Variants in ARHGAP33 observed in about 807,000 individuals in gnomAD.
ARHGAP33 encodes the protein rho GTPase-activating protein 33.
A neutral mutation model predicts 126.2 loss-of-function variants in ARHGAP33; 57 were observed. The observed-to-expected ratio is 0.45, with a 90% CI of 0.36 to 0.56. The LOEUF (loss-of-function observed/expected upper bound fraction) is 0.56, where lower values mean the gene tolerates loss of function less well. Among genes scored for constraint, ARHGAP33 ranks in the 20% least tolerant of loss-of-function variants. The pLI, the probability that ARHGAP33 is intolerant of heterozygous loss-of-function variation, is 0.00. For synonymous variants in ARHGAP33, 711 were observed against 755.0 expected (o/e 0.94, Z 0.95); for missense variants, 1,500 against 1,748.3 (o/e 0.86, Z 2.53).
At position 35,787,383 on chromosome 19, in the gene ARHGAP33, G is replaced by C. The variant is rs578173245; in HGVS notation, c.2818G>C (p.Gly940Arg). 1 of 1,609,422 alleles carries C rather than the reference G, an allele frequency of 6.2e-7. No homozygotes were observed. Among genetic ancestry groups the C allele is most frequent in the Admixed American group, 1.7e-5 (1 of 59,364 alleles). ...PFHRSLSLEV[G>R]GEPLGTSGSG... ...CCACCGCTCGCTGTCTCTGGAGGTGGGCGGGGAGCCCCTGGGGACCTCAGG... is the reference window on the plus strand; with the variant it reads ...CCACCGCTCGCTGTCTCTGGAGGTGCGCGGGGAGCCCCTGGGGACCTCAGG... The change falls in exon 21 of 21, where the codon GGC (glycine) becomes CGC (arginine). Residue 940 changes from glycine (G) to arginine (R), a missense_variant. Gly to Arg is a moderately radical substitution (Grantham distance 125). Around this residue, in one of 6 missense-constraint regions of ARHGAP33, gnomAD observed 642 missense variants for 634.0 expected, o/e 1.01. Transcript: ENST00000007510.
intron 5 of ARHGAP33, 99 bp downstream of exon 5, chr19:35,778,700 G>C (rs76260948): frequency 0.023 from 32,706 of 1,453,092 alleles, 463 homozygotes; most frequent in South Asian, 0.029. Flanking sequence ...TTAAATACTG[G>C]TATGGCCCAA....
intron 19 of ARHGAP33, 27 bp downstream of exon 19, chr19:35,785,510 G>T (rs777970780): frequency 1.2e-6 from 2 of 1,613,958 alleles, no homozygotes; most frequent in Middle Eastern, 1.7e-4. Flanking sequence ...ATTGGGGGGC[G>T]CTACCTGTGC....
intron 1 of ARHGAP33, 109 bp from the exon 2 acceptor site, chr19:35,777,536 G>T (rs1465841045): frequency 1.2e-6 from 1 of 834,438 alleles, no homozygotes; most frequent in South Asian, 1.5e-5. Flanking sequence ...TCATGCTCAG[G>T]GCGGTGTGTG....
chr19:35,778,135 G>C, intron 3 of ARHGAP33, 145 bp from the exon 4 acceptor site: 1 of 890,346 alleles, frequency 1.1e-6, no homozygotes, highest in Non-Finnish European at 1.7e-6. Context: ...TTAGGTATCT[G>C]CTCTATGTCA....
chr19:35,777,728 G>A lies in ARHGAP33; in HGVS notation c.90G>A (p.Gly30=). ...LPTAGGPSVK[G]KPGKRLSAPR... is the part of the protein sequence containing the mutation. ...CTGCTGGGGGGCCCAGTGTGAAGGGGAAGCCTGGGAAGAGGTGAGGGTGAG... is the reference window on the plus strand; with the variant it reads ...CTGCTGGGGGGCCCAGTGTGAAGGGAAAGCCTGGGAAGAGGTGAGGGTGAG... Residue 30 remains glycine (G), a synonymous_variant, in exon 2 of 21, where the codon GGG becomes GGA. Coordinates refer to ENST00000007510, the MANE Select transcript of ARHGAP33 (RefSeq NM_001366178.1). 6.2e-7 allele frequency: 1 copy of A among 1,611,006 alleles called. No individual in the cohort carries two copies. The highest frequency in any genetic ancestry group is 1.1e-5 in the South Asian group (1 of 90,690).
At chr19:35,784,055 T>A (rs1017163006) in intron 15 of ARHGAP33, 117 bp from the exon 16 acceptor site, 2 of 807,736 alleles carry the variant, frequency 2.5e-6, no homozygotes, top group Non-Finnish European at 3.9e-6. Flanking sequence ...GTGATCAGTT[T>A]GAGGTCAGAG....
rs1409477506 is a variant in ARHGAP33 at position 35,784,248 on chromosome 19, G to C, written c.1498G>C (p.Glu500Gln). The change falls in exon 16 of 21, where the codon GAG (glutamate) becomes CAG (glutamine). Residue 500 changes from glutamate (E) to glutamine (Q), a missense_variant. By Grantham distance (29) the Glu-to-Gln change is conservative. This residue lies in a region of ARHGAP33 where 281 missense variants were observed against 413.7 expected (regional missense o/e 0.68). Coordinates refer to ENST00000007510, the MANE Select transcript of ARHGAP33 (RefSeq NM_001366178.1). The part of the protein sequence containing the change: ...REVRVQSVVV[E>Q]FLLTHVDVLF... ...AGTTCGGGTGCAGTCGGTGGTGGTG[G>C]AGTTTCTGCTCACCCATGTGGACGT... 1 of 1,612,046 alleles carries C rather than the reference G, an allele frequency of 6.2e-7. No individual in the cohort carries two copies. Among genetic ancestry groups the C allele is most frequent in the African/African-American group, 1.3e-5 (1 of 74,752 alleles).
At position 35,787,757 on chromosome 19, in the gene ARHGAP33, C is replaced by A. The variant is rs746642850; in HGVS notation, c.3192C>A (p.Ser1064=). Residue 1064 remains serine, a synonymous_variant, in exon 21 of 21, where the codon TCC becomes TCA. Transcript: ENST00000007510. ...GCCCCCCATCCTTCCAGCCCAGTTC[C>A]CCAGCCCCAGTCTGGAGGAGCTCTC... is the stretch of plus-strand genomic sequence containing the variant. ...PLGPPSFQPS[S]PAPVWRSSLG... is the part of the protein sequence containing the mutation. 6.3e-7 allele frequency: 1 copy of A among 1,582,436 alleles called. No homozygotes were observed. The highest frequency in any genetic ancestry group is 1.4e-5 in the African/African-American group (1 of 72,830).
chr19:35,777,869 C>CATTTCCCT lies in ARHGAP33; in HGVS notation c.150_151insATTTCCCT (p.His51IlefsTer40). The CATTTCCCT allele has an allele frequency of 6.2e-7, 1 of 1,613,990 alleles. No individual in the cohort carries two copies. ...CCTTCCCGCGGCTGGCTGACTGCGC[C>CATTTCCCT]CATTTCCACTACGAGAACGTTGACT... On this transcript the variant is annotated frameshift_variant, in exon 3 of 21. Transcript: ENST00000007510. LOFTEE classifies it high-confidence loss of function.
chr19:35,784,766 C>G, intron 16 of ARHGAP33, 187 bp from the exon 17 acceptor site: 3 of 1,363,066 alleles, frequency 2.2e-6, no homozygotes, highest in Non-Finnish European at 2.8e-6. Context: ...CTCATCAGCT[C>G]GTCCCGCCCC....
At position 35,787,803 on chromosome 19, in the gene ARHGAP33, G is replaced by C; in HGVS notation, c.3238G>C (p.Asp1080His). Residue 1080 changes from aspartate to histidine, a missense_variant, in exon 21 of 21, where the codon GAC becomes CAC. By Grantham distance (81) the Asp-to-His change is moderately conservative (BLOSUM62 -1). This residue lies in a region of ARHGAP33 where 642 missense variants were observed against 634.0 expected (regional missense o/e 1.01). Coordinates refer to ENST00000007510, the MANE Select transcript of ARHGAP33 (RefSeq NM_001366178.1). Reference protein sequence around the residue: ...RSSLGPPAPLDRGENLYYEIG... With the variant: ...RSSLGPPAPLHRGENLYYEIG... ...CTCTCTGGGCCCCCCTGCACCACTC[G>C]ACAGGGGAGAGAACCTGTACTATGA... 1.3e-6 allele frequency: 2 copies of C among 1,597,892 alleles called. No homozygotes were observed. Among genetic ancestry groups the C allele is most frequent in the Non-Finnish European group, 8.5e-7 (1 of 1,174,304 alleles).
chr19:35,776,926 G>C (rs1028664251), intron 1 of ARHGAP33, among the ~76,000 whole-genome samples: 6 of 152,200 alleles, frequency 3.9e-5, no homozygotes, highest in African/African-American at 1.4e-4. Flanking sequence ...CATGTGAGTT[G>C]GGACCTGAGG....
intron 16 of ARHGAP33, chr19:35,784,736 T>A: frequency 7.5e-7 from 1 of 1,338,174 alleles, no homozygotes; most frequent in Non-Finnish European, 9.5e-7. Context: ...CTGCCCTCGC[T>A]GGCTGCCGGG....
At position 35,785,200 on chromosome 19, in the gene ARHGAP33, A is replaced by G; in HGVS notation, c.1733A>G (p.Glu578Gly). The G allele has an allele frequency of 6.3e-7, 1 of 1,578,028 alleles. No individual in the cohort carries two copies. The highest frequency in any genetic ancestry group is 8.6e-7 in the Non-Finnish European group (1 of 1,158,296). ...PASPAERRKG[E>G]RGEKQRKPGG... The stretch of plus-strand genomic sequence containing the variant: ...CCCCCAAACCGCAGGAGGAAAGGGG[A>G]GAGAGGGGAGAAGCAGCGGAAGCCA... Residue 578 changes from glutamate (E) to glycine (G), a missense_variant, in exon 18 of 21, where the codon GAG becomes GGG. By Grantham distance (98) the Glu-to-Gly change is moderately conservative. This residue lies in a region of ARHGAP33 where 300 missense variants were observed against 291.1 expected (regional missense o/e 1.03). Coordinates refer to ENST00000007510, the MANE Select transcript of ARHGAP33 (RefSeq NM_001366178.1).
In ARHGAP33 at chr19:35,788,040, G is replaced by A; in HGVS notation, c.3475G>A (p.Ala1159Thr). The change falls in exon 21 of 21, where the codon GCT (alanine) becomes ACT (threonine). Residue 1159 changes from alanine to threonine, a missense_variant. Coordinates refer to ENST00000007510, the MANE Select transcript of ARHGAP33 (RefSeq NM_001366178.1). ...TGGCTACTCAGCCCCCCAGCACCCT[G>A]CTCGGCGCCCTACACCGCCTGAGCC... is the stretch of plus-strand genomic sequence containing the variant. The part of the protein sequence containing the change: ...HLGYSAPQHP[A>T]RRPTPPEPLY... The A allele has an allele frequency of 1.9e-6, 3 of 1,597,626 alleles. No homozygotes were observed. The highest frequency in any genetic ancestry group is 2.6e-6 in the Non-Finnish European group (3 of 1,175,632).
At position 35,785,116 on chromosome 19, in the gene ARHGAP33, A is replaced by T; in HGVS notation, c.1721+10A>T. The T allele has an allele frequency of 6.3e-7, 1 of 1,591,504 alleles. No individual in the cohort carries two copies. The highest frequency in any genetic ancestry group is 8.6e-7 in the Non-Finnish European group (1 of 1,165,946). ...CCTCACCTGCGGAAAGGTGAGTGGG[A>T]TGCTGGGGGTGGCGAGGGGCAGGTG... On this transcript the variant is annotated intron_variant, in intron 17 of 20. Coordinates refer to ENST00000007510, the MANE Select transcript of ARHGAP33 (RefSeq NM_001366178.1).
At chr19:35,784,127 G>T (rs1290214989) in intron 15 of ARHGAP33, 45 bp from the exon 16 acceptor site, 1 of 1,561,676 alleles carries the variant, frequency 6.4e-7, no homozygotes, top group Non-Finnish European at 8.7e-7. Flanking sequence ...GAACCTGCTG[G>T]CTGGGCTCAA....
chr19:35,787,786 GC>G lies in ARHGAP33; in HGVS notation c.3227del (p.Pro1076LeufsTer97). On this transcript the variant is annotated frameshift_variant, in exon 21 of 21. Coordinates refer to ENST00000007510, the MANE Select transcript of ARHGAP33 (RefSeq NM_001366178.1). LOFTEE classifies it high-confidence loss of function. ...GCCCCAGTCTGGAGGAGCTCTCTGG[GC>G]CCCCCTGCACCACTCGACAGGGGAG... is the stretch of plus-strand genomic sequence containing the variant. ...SPAPVWRSSL[G>X]PPAPLDRGEN... 6.3e-7 allele frequency: 1 copy of G among 1,582,456 alleles called. No individual in the cohort carries two copies. Among genetic ancestry groups the G allele is most frequent in the Non-Finnish European group, 8.6e-7 (1 of 1,169,104 alleles).
At position 35,788,400 on chromosome 19, in the gene ARHGAP33, T is replaced by C. The variant is rs1041189121; in HGVS notation, c.3835T>C (p.Ser1279Pro). ...PYPTPSWSLH[S>P]EGQTRSYC ...CCCCACTCCCAGCTGGTCCCTCCAC[T>C]CTGAGGGCCAGACCCGAAGCTACTG... The change falls in exon 21 of 21, where the codon TCT becomes CCT. Residue 1279 changes from serine to proline, a missense_variant. By Grantham distance (74) the Ser-to-Pro change is moderately conservative. This residue lies in a region of ARHGAP33 where 642 missense variants were observed against 634.0 expected (regional missense o/e 1.01). Coordinates refer to ENST00000007510, the MANE Select transcript of ARHGAP33 (RefSeq NM_001366178.1). The C allele has an allele frequency of 6.3e-7, 1 of 1,579,786 alleles. No homozygotes were observed. The highest frequency in any genetic ancestry group is 8.6e-7 in the Non-Finnish European group (1 of 1,163,400).
Sources: allele counts gnomAD v4.1 joint callset (sites outside exome capture counted in the v4.1 genomes callset), GRCh38; gene constraint gnomAD v4.1.1; regional missense constraint gnomAD v4.1.1; transcripts MANE v1.5; gene names NCBI Gene and HGNC (gene_info 2026-07-23, HGNC 2026-07-21).